Variants in STUM observed in about 807,000 individuals in gnomAD.
The protein encoded by STUM is stum, mechanosensory transduction mediator homolog.
A neutral mutation model predicts 15.3 loss-of-function variants in STUM; 8 were observed. That is an observed-to-expected ratio of 0.52 (90% CI 0.31 to 0.94). STUM has a LOEUF of 0.94. Among genes scored for constraint, STUM ranks in the 40% least tolerant of loss-of-function variants. The probability of loss-of-function intolerance (pLI) is 0.05; values close to 1 mark genes in which losing one functional copy is unlikely to be tolerated. For missense variants in STUM, 142 were observed against 204.9 expected (o/e 0.69, Z 1.87); for synonymous variants, 78 against 88.7 (o/e 0.88, Z 0.68).
At chr1:226,581,578 T>C (rs1284264960) in intron 1 of STUM, among the ~76,000 whole-genome samples, 3 of 152,164 alleles carry the variant, frequency 2.0e-5, no homozygotes, top group Non-Finnish European at 2.9e-5. Context: ...TATTTATTTA[T>C]TTATTTTTCT....
chr1:226,589,395 A>G (rs1472945059), intron 1 of STUM, among the ~76,000 whole-genome samples: 2 of 152,166 alleles, frequency 1.3e-5, no homozygotes, highest in Admixed American at 1.3e-4. Flanking sequence ...TGGGGCTCCC[A>G]GGACGGAAGT....
At chr1:226,551,722 A>G (rs551830703) in intron 1 of STUM, among the ~76,000 whole-genome samples, 2 of 152,258 alleles carry the variant, frequency 1.3e-5, no homozygotes, top group Non-Finnish European at 2.9e-5. Flanking sequence ...ATGATGAATA[A>G]ATCAGTCAGG....
chr1:226,589,994 A>C (rs1668059853), intron 1 of STUM, among the ~76,000 whole-genome samples: 3 of 151,966 alleles, frequency 2.0e-5, no homozygotes, highest in Admixed American at 2.0e-4. Flanking sequence ...TGCCTGTGGC[A>C]GTCTAGAGGT....
intron 1 of STUM, among the ~76,000 whole-genome samples, chr1:226,586,708 A>G (rs1425359450): frequency 6.6e-6 from 1 of 152,102 alleles, no homozygotes; most frequent in Non-Finnish European, 1.5e-5. Context: ...CTACCCATCC[A>G]TGGAAATGTC....
intron 1 of STUM, among the ~76,000 whole-genome samples, chr1:226,591,013 G>A (rs1193073647): frequency 1.3e-5 from 2 of 152,206 alleles, no homozygotes; most frequent in Non-Finnish European, 2.9e-5. Context: ...ACTCAGCATT[G>A]GCATATGGCT....
At chr1:226,591,141 AT>A (rs1310590810) in intron 1 of STUM, among the ~76,000 whole-genome samples, 1 of 152,208 alleles carries the variant, frequency 6.6e-6, no homozygotes, top group Non-Finnish European at 1.5e-5. Context: ...TGCTAAAACC[AT>A]TTTTTAAATT....
intron 1 of STUM, among the ~76,000 whole-genome samples, chr1:226,596,577 C>T (rs746667059): frequency 2.6e-5 from 4 of 152,212 alleles, no homozygotes; most frequent in Non-Finnish European, 5.9e-5. Flanking sequence ...CTGGCAGCCC[C>T]GTGCAATACC....
At chr1:226,585,224 G>A (rs780488064) in intron 1 of STUM, among the ~76,000 whole-genome samples, 4 of 152,164 alleles carry the variant, frequency 2.6e-5, no homozygotes, top group African/African-American at 9.7e-5. Flanking sequence ...GTCAACGTGA[G>A]AGCAGGATTC....
chr1:226,601,940 C>T, intron 3 of STUM, 66 bp from the exon 4 acceptor site: 1 of 1,415,138 alleles, frequency 7.1e-7, no homozygotes, highest in South Asian at 1.2e-5. Context: ...GGGCTAGGGG[C>T]ACCTCCTGGA....
intron 2 of STUM, among the ~76,000 whole-genome samples, chr1:226,598,378 G>A (rs1046793329): frequency 2.0e-5 from 3 of 152,132 alleles, no homozygotes; most frequent in African/African-American, 2.4e-5. Context: ...CTCTCAAACT[G>A]AGCATCTGGC....
At chr1:226,568,488 A>C (rs1667656887) in intron 1 of STUM, among the ~76,000 whole-genome samples, 1 of 152,386 alleles carries the variant, frequency 6.6e-6, no homozygotes, top group Middle Eastern at 3.4e-3. Flanking sequence ...AATTGGAACC[A>C]GAACGCTGCC....
chr1:226,568,330 C>T (rs555695901), intron 1 of STUM, among the ~76,000 whole-genome samples: 20 of 152,266 alleles, frequency 1.3e-4, no homozygotes, highest in African/African-American at 2.2e-4. Flanking sequence ...TCAGGGCTGC[C>T]GTCAACCCTA....
chr1:226,566,385 A>G (rs751059648), intron 1 of STUM, among the ~76,000 whole-genome samples: 2 of 152,172 alleles, frequency 1.3e-5, no homozygotes, highest in Non-Finnish European at 2.9e-5. Flanking sequence ...TTGTGTGCAG[A>G]CTTCTGAGAA....
intron 2 of STUM, among the ~76,000 whole-genome samples, chr1:226,599,322 T>C (rs1233966226): frequency 1.3e-5 from 2 of 152,156 alleles, no homozygotes; most frequent in African/African-American, 4.8e-5. Context: ...AGCCTTTGCA[T>C]TTTTTTCCCA....
chr1:226,570,828 C>T (rs1667696617), intron 1 of STUM, among the ~76,000 whole-genome samples: 2 of 152,158 alleles, frequency 1.3e-5, no homozygotes, highest in Admixed American at 1.3e-4. Context: ...AAGCCTTGGA[C>T]CCCTTCTCAG....
intron 3 of STUM, among the ~76,000 whole-genome samples, chr1:226,601,780 G>A (rs991213977): frequency 4.1e-5 from 6 of 147,270 alleles, no homozygotes; most frequent in African/African-American, 7.4e-5. Context: ...ATGCCCGCCC[G>A]TCATACATTC....
chr1:226,569,016 A>G (rs997932876), intron 1 of STUM, among the ~76,000 whole-genome samples: 2 of 151,706 alleles, frequency 1.3e-5, no homozygotes, highest in African/African-American at 4.8e-5. Flanking sequence ...GCATGTGCCC[A>G]CACGTGCATG....
In STUM at chr1:226,608,496, T is replaced by C. The variant is rs950525494; in HGVS notation, c.*6456T>C. ...ACAACTGGTTCTGTGTGTATCAACT[T>C]AATTTGCATATGAATGAGTGTTGTG... is the stretch of plus-strand genomic sequence containing the variant. On this transcript the variant is annotated 3_prime_UTR_variant, in exon 4 of 4. Coordinates refer to ENST00000366788, the MANE Select transcript of STUM (RefSeq NM_001003665.4). The surrounding 1 kb of genome is among the most constrained non-coding windows in gnomAD (Gnocchi z 4.0). 6.6e-6 allele frequency: 1 copy of C among 152,186 alleles called. No individual in the cohort carries two copies. The highest frequency in any genetic ancestry group is 2.4e-5 in the African/African-American group (1 of 41,434). The allele number at this position is 152,186 out of a possible 1,614,324, so 9.4% of individuals were successfully genotyped here.
chr1:226,579,796 T>TA (rs907181592), intron 1 of STUM, among the ~76,000 whole-genome samples: 14 of 150,916 alleles, frequency 9.3e-5, no homozygotes, highest in African/African-American at 1.9e-4. Flanking sequence ...CCCAACTAAT[T>TA]AAAAAAAAAA....
Sources: allele counts gnomAD v4.1 joint callset (sites outside exome capture counted in the v4.1 genomes callset), GRCh38; gene constraint gnomAD v4.1.1; non-coding constraint Gnocchi (gnomAD v3.1); transcripts MANE v1.5; gene names NCBI Gene and HGNC (gene_info 2026-07-23, HGNC 2026-07-21).